ADAM12: variants seen among roughly 807,000 people sequenced by gnomAD.
ADAM12 encodes the protein disintegrin and metalloproteinase domain-containing protein 12.
Under a neutral mutation model 106.4 loss-of-function variants are expected in ADAM12, and 70 were observed. The ratio of observed to expected loss-of-function variants is 0.66; its 90% CI spans 0.54 to 0.80. ADAM12 has a LOEUF of 0.80. Among genes scored for constraint, ADAM12 ranks in the 30% least tolerant of loss-of-function variants. The pLI is 0.00. For missense variants in ADAM12, 1,010 were observed against 1,171.9 expected, an observed-to-expected ratio of 0.86 and a Z score of 2.02; for synonymous variants, 420 against 433.5, an observed-to-expected ratio of 0.97 and a Z score of 0.39.
intron 11 of ADAM12, among the ~76,000 whole-genome samples, chr10:126,086,413 C>T (rs543898272): frequency 6.9e-4 from 105 of 151,508 alleles, no homozygotes; most frequent in Non-Finnish European, 1.1e-3. Flanking sequence ...CGGTGGCTCA[C>T]ACCTGTAATC....
intron 3 of ADAM12, among the ~76,000 whole-genome samples, chr10:126,165,324 C>T (rs115336258): frequency 2.0e-5 from 3 of 152,160 alleles, no homozygotes; most frequent in African/African-American, 7.2e-5. Flanking sequence ...CACACCATTA[C>T]GCCTGGTTAA....
intron 5 of ADAM12, among the ~76,000 whole-genome samples, chr10:126,120,923 A>T (rs1956073399): frequency 7.4e-6 from 1 of 134,912 alleles, no homozygotes; most frequent in Non-Finnish European, 1.5e-5. Context: ...TATGCAATAT[A>T]ATTATATATT....
chr10:126,203,929 C>T (rs568315089), intron 3 of ADAM12, among the ~76,000 whole-genome samples: 16 of 82,988 alleles, frequency 1.9e-4, no homozygotes, highest in South Asian at 1.1e-3. Flanking sequence ...AGAGTGAGTG[C>T]GCGCGCGCGC....
intron 3 of ADAM12, among the ~76,000 whole-genome samples, chr10:126,220,245 C>T (rs528115138): frequency 1.2e-4 from 19 of 152,270 alleles, no homozygotes; most frequent in African/African-American, 4.6e-4. Flanking sequence ...ACAATAGTGA[C>T]GGTAAATATT....
chr10:126,245,201 T>A (rs1958604941), intron 3 of ADAM12, among the ~76,000 whole-genome samples: 1 of 152,206 alleles, frequency 6.6e-6, no homozygotes, highest in Non-Finnish European at 1.5e-5. Context: ...AGGGCACTTG[T>A]CTCTGTAAGA....
intron 3 of ADAM12, among the ~76,000 whole-genome samples, chr10:126,175,788 G>T (rs947281800): frequency 6.6e-6 from 1 of 152,302 alleles, no homozygotes; most frequent in South Asian, 2.1e-4. Flanking sequence ...AAGCCCAGCC[G>T]GTGGCTGCCC....
intron 20 of ADAM12, among the ~76,000 whole-genome samples, chr10:126,037,133 T>C (rs1362799603): frequency 6.6e-6 from 1 of 152,192 alleles, no homozygotes; most frequent in Non-Finnish European, 1.5e-5. Flanking sequence ...GCTTTTCTTC[T>C]TTTACTCAGA....
At chr10:126,375,967 C>T (rs1455531810) in intron 1 of ADAM12, among the ~76,000 whole-genome samples, 1 of 150,930 alleles carries the variant, frequency 6.6e-6, no homozygotes, top group Non-Finnish European at 1.5e-5. Context: ...TCTCAAATTT[C>T]TGGGCTCAAG....
intron 3 of ADAM12, among the ~76,000 whole-genome samples, chr10:126,236,345 C>T (rs1401115140): frequency 2.0e-5 from 3 of 152,138 alleles, no homozygotes; most frequent in Non-Finnish European, 2.9e-5. Context: ...CCAGGGCCTG[C>T]GATGGGGAAG....
intron 3 of ADAM12, among the ~76,000 whole-genome samples, chr10:126,259,744 G>A (rs908477034): frequency 1.9e-4 from 29 of 152,208 alleles, no homozygotes; most frequent in African/African-American, 6.7e-4. Flanking sequence ...ACTAAACCGG[G>A]GCAATCAACC....
At chr10:126,041,219 G>T in intron 18 of ADAM12, 4 of 510,724 alleles carry the variant, frequency 7.8e-6, no homozygotes, top group Non-Finnish European at 1.0e-5. Context: ...TGGCTGGTGT[G>T]TGGCAGACAC....
intron 3 of ADAM12, among the ~76,000 whole-genome samples, chr10:126,222,102 T>C (rs1358339904): frequency 3.9e-5 from 6 of 152,148 alleles, no homozygotes; most frequent in South Asian, 2.1e-4. Context: ...CACGTGAACA[T>C]AGGCATTACA....
chr10:126,292,108 G>A (rs1960178393), intron 2 of ADAM12, among the ~76,000 whole-genome samples: 1 of 151,962 alleles, frequency 6.6e-6, no homozygotes, highest in African/African-American at 2.4e-5. Context: ...GCTCTCTTGA[G>A]CCCAGCACAT....
rs147316953 is a variant in ADAM12, at chr10:126,280,854, A to T, written c.187-1866T>A. 2.8e-4 allele frequency among the ~76,000 whole-genome samples: 43 copies of T among 152,338 alleles called. No individual in the cohort carries two copies. The East Asian group carries it at 7.9e-3, about 28-fold the overall frequency. ...CTCTAGCAAAAGAGTACAAAAACAT[A>T]CCAAATTTATATATTTTGATACTGT... On this transcript the variant is annotated intron_variant, in intron 2 of 22. Transcript: ENST00000448723.
In ADAM12 at chr10:126,207,889, T is replaced by C. The variant is rs1590621415; in HGVS notation, c.261-52584A>G. Reference sequence around the variant, plus strand: ...ACAAAAATATACAGAAACCCTTACATGTTTCAATATGAAAAACACTAAAAG... The same window carrying C: ...ACAAAAATATACAGAAACCCTTACACGTTTCAATATGAAAAACACTAAAAG... On this transcript the variant is annotated intron_variant, in intron 3 of 22. Coordinates refer to ENST00000448723, the MANE Select transcript of ADAM12 (RefSeq NM_001288973.2). Among the ~76,000 whole-genome samples the C allele has an allele frequency of 3.3e-5, 5 of 152,178 alleles. No individual in the cohort carries two copies. The South Asian group carries it at 8.3e-4, about 25-fold the overall frequency.
intron 8 of ADAM12, among the ~76,000 whole-genome samples, chr10:126,105,750 G>A (rs116235123): frequency 0.022 from 3,367 of 152,288 alleles, 139 homozygotes; most frequent in African/African-American, 0.077. Context: ...TATCTTTGAT[G>A]TCTCCTCTAA....
intron 8 of ADAM12, among the ~76,000 whole-genome samples, chr10:126,105,843 G>GTTTATCC: frequency 6.6e-6 from 1 of 152,216 alleles, no homozygotes; most frequent in East Asian, 1.9e-4. Context: ...AGTTGAATCT[G>GTTTATCC]CAAAGAGTAA....
rs7080721 is a variant in ADAM12, at chr10:126,066,955, A to G, written c.1324-149T>C. 103,579 of 729,030 alleles carry G rather than the reference A, an allele frequency of 0.14. 8,542 individuals are homozygous for G. Among genetic ancestry groups the G allele is most frequent in the Admixed American group, 0.29 (11,920 of 41,060 alleles). The allele number at this position is 729,030 out of a possible 1,614,324, so 45.2% of individuals were successfully genotyped here. A position where few individuals can be genotyped will look rare whatever the true frequency, so the allele number is the denominator to read the frequency against. On this transcript the variant is annotated intron_variant, in intron 12 of 22. Coordinates refer to ENST00000448723, the MANE Select transcript of ADAM12 (RefSeq NM_001288973.2). The surrounding 1 kb of genome is among the most constrained non-coding windows in gnomAD (Gnocchi z 5.1). ...GCACACCTGCCTGTTTCCGTCTGTTAGGAAAGCAAAGCTTCTGCTTTTTAT... is the reference window on the plus strand; with the variant it reads ...GCACACCTGCCTGTTTCCGTCTGTTGGGAAAGCAAAGCTTCTGCTTTTTAT...
intron 3 of ADAM12, among the ~76,000 whole-genome samples, chr10:126,257,666 C>T (rs1191899808): frequency 2.6e-5 from 4 of 152,154 alleles, no homozygotes; most frequent in Non-Finnish European, 5.9e-5. Flanking sequence ...ACTACAATCG[C>T]TTCATGAAAT....
Sources: allele counts gnomAD v4.1 joint callset (sites outside exome capture counted in the v4.1 genomes callset), GRCh38; gene constraint gnomAD v4.1.1; non-coding constraint Gnocchi (gnomAD v3.1); transcripts MANE v1.5; gene names NCBI Gene and HGNC (gene_info 2026-07-23, HGNC 2026-07-21).